Variants in CAPZA2 observed in about 807,000 individuals in gnomAD.
CAPZA2 encodes capping actin protein of muscle Z-line subunit alpha 2.
CAPZA2 carries 13 observed loss-of-function variants against 44.0 expected under a neutral mutation model. The observed-to-expected ratio is 0.30, with a 90% CI of 0.19 to 0.47. The LOEUF (loss-of-function observed/expected upper bound fraction) is 0.47, where lower values mean the gene tolerates loss of function less well. CAPZA2 is among the 20% of genes least tolerant of loss of function. The probability of loss-of-function intolerance (pLI) is 1.00; values close to 1 mark genes in which losing one functional copy is unlikely to be tolerated. For missense variants in CAPZA2, 244 were observed against 338.6 expected (o/e 0.72, Z 2.19); for synonymous variants, 94 against 108.2 (o/e 0.87, Z 0.81).
chr7:116,900,127 C>G (rs1300106672), intron 4 of CAPZA2, among the ~76,000 whole-genome samples: 2 of 151,410 alleles, frequency 1.3e-5, no homozygotes, highest in East Asian at 3.9e-4. Flanking sequence ...AATAAAAATT[C>G]TAGTAAAATA....
intron 4 of CAPZA2, among the ~76,000 whole-genome samples, chr7:116,903,233 A>AGAGTGTGTGTGTGTGTGTGTGTGT: frequency 6.8e-6 from 1 of 146,340 alleles, no homozygotes; most frequent in Non-Finnish European, 1.5e-5. Context: ...TGCAGAGAAG[A>AGAGTGTGTGTGTGTGTGTGTGTGT]GTGTGTGTGT....
chr7:116,863,085 C>T (rs1465665360), intron 1 of CAPZA2, among the ~76,000 whole-genome samples: 1 of 152,202 alleles, frequency 6.6e-6, no homozygotes, highest in Non-Finnish European at 1.5e-5. Flanking sequence ...GGCGGCCTGG[C>T]CTGTGAGTGT....
chr7:116,867,577 T>G (rs1796497591), intron 1 of CAPZA2, among the ~76,000 whole-genome samples: 1 of 139,704 alleles, frequency 7.2e-6, no homozygotes, highest in Non-Finnish European at 1.5e-5. Context: ...AGTCCATTTC[T>G]CTCTCTTTTT....
At chr7:116,917,393 T>C (rs1397558069) in intron 9 of CAPZA2, among the ~76,000 whole-genome samples, 1 of 152,190 alleles carries the variant, frequency 6.6e-6, no homozygotes, top group Non-Finnish European at 1.5e-5. Context: ...TAGCCGGGAC[T>C]ACAGACGCCC....
intron 6 of CAPZA2, among the ~76,000 whole-genome samples, chr7:116,909,320 GCAAA>G (rs768872273): frequency 8.6e-5 from 13 of 152,012 alleles, no homozygotes; most frequent in Admixed American, 1.3e-4. Context: ...CGTGCAGAGA[GCAAA>G]CAGAGACAAA....
At chr7:116,910,591 C>T (rs1791578414) in intron 7 of CAPZA2, among the ~76,000 whole-genome samples, 1 of 152,172 alleles carries the variant, frequency 6.6e-6, no homozygotes, top group Non-Finnish European at 1.5e-5. Context: ...TTTGTTCATG[C>T]AGGCGTCTTC....
rs766695426 is a variant in CAPZA2, at chr7:116,888,131, G to A, written c.44G>A (p.Arg15His). ...ATATCTTTCTTTCTGTTTCAGGTGC[G>A]TATAGCAGCAAAATTCATCATTCAT... ...EEQLSDEEKV[R>H]IAAKFIIHAP... The change falls in exon 2 of 10, where the codon CGT becomes CAT. Residue 15 changes from arginine (R) to histidine (H), a missense_variant. Arg to His is a conservative substitution (Grantham distance 29, BLOSUM62 0). Transcript: ENST00000361183. 26 of 1,608,070 alleles carry A rather than the reference G, an allele frequency of 1.6e-5. No individual in the cohort carries two copies. Among genetic ancestry groups the A allele is most frequent in the South Asian group, 5.5e-5 (5 of 90,852 alleles).
At chr7:116,893,910 C>T (rs746956732) in intron 3 of CAPZA2, among the ~76,000 whole-genome samples, 1 of 152,146 alleles carries the variant, frequency 6.6e-6, no homozygotes, top group Non-Finnish European at 1.5e-5. Context: ...TGATTCTCTC[C>T]CTACTTCTCC....
intron 1 of CAPZA2, chr7:116,875,278 G>A (rs971250740): frequency 3.9e-5 from 6 of 152,110 alleles, no homozygotes; most frequent in African/African-American, 1.4e-4. Context: ...CATTTTTGAG[G>A]ATGGCCATTT....
chr7:116,910,054 G>A (rs1791570477), intron 6 of CAPZA2, 179 bp from the exon 7 acceptor site: 1 of 586,142 alleles, frequency 1.7e-6, no homozygotes, highest in Admixed American at 2.8e-5. Flanking sequence ...AATTAAATAT[G>A]TATCATAACT....
intron 1 of CAPZA2, among the ~76,000 whole-genome samples, chr7:116,863,326 A>G (rs1269009685): frequency 6.6e-6 from 1 of 152,114 alleles, no homozygotes; most frequent in Non-Finnish European, 1.5e-5. Context: ...GTTGCTCACA[A>G]AAAGACGACC....
chr7:116,912,000 T>C (rs1791603382), intron 7 of CAPZA2, 69 bp from the exon 8 acceptor site: 6 of 1,597,596 alleles, frequency 3.8e-6, no homozygotes, highest in Admixed American at 1.7e-5. Context: ...TGCATTGATA[T>C]GCTTGTTGAC....
chr7:116,905,618 T>G lies in CAPZA2; in HGVS notation c.427-645T>G, dbSNP rs1001399589. Among the ~76,000 whole-genome samples the G allele has an allele frequency of 6.6e-5, 10 of 152,222 alleles. No homozygotes were observed. In the South Asian group the frequency reaches 8.3e-4, roughly 13 times the overall value. On this transcript the variant is annotated intron_variant, in intron 5 of 9. Coordinates refer to ENST00000361183, the MANE Select transcript of CAPZA2 (RefSeq NM_006136.3). ...TTGCAACATAACCTCAAATATCTTATGTATTACTTGAATTATAACTTGTTC... is the reference window on the plus strand; with the variant it reads ...TTGCAACATAACCTCAAATATCTTAGGTATTACTTGAATTATAACTTGTTC...
intron 8 of CAPZA2, among the ~76,000 whole-genome samples, chr7:116,913,001 G>A (rs2115979775): frequency 6.6e-6 from 1 of 152,184 alleles, no homozygotes; most frequent in South Asian, 2.1e-4. Flanking sequence ...GTGTCTTATT[G>A]TGGTTTTTAT....
At chr7:116,863,320 C>T (rs1796442064) in intron 1 of CAPZA2, among the ~76,000 whole-genome samples, 1 of 152,138 alleles carries the variant, frequency 6.6e-6, no homozygotes, top group African/African-American at 2.4e-5. Flanking sequence ...AGCGGAGTTG[C>T]TCACAAAAAG....
At chr7:116,911,842 G>C (rs1450551450) in intron 7 of CAPZA2, among the ~76,000 whole-genome samples, 1 of 152,188 alleles carries the variant, frequency 6.6e-6, no homozygotes, top group Non-Finnish European at 1.5e-5. Context: ...CCAGCAGTCA[G>C]GTCAATAGAA....
At chr7:116,897,613 G>C (rs1796944404) in intron 3 of CAPZA2, among the ~76,000 whole-genome samples, 1 of 151,932 alleles carries the variant, frequency 6.6e-6, no homozygotes, top group Admixed American at 6.6e-5. Context: ...TTCTGAGTTT[G>C]GAAATTCTCA....
chr7:116,866,488 C>T (rs1796485758), intron 1 of CAPZA2, among the ~76,000 whole-genome samples: 1 of 152,164 alleles, frequency 6.6e-6, no homozygotes, highest in African/African-American at 2.4e-5. Flanking sequence ...GACTTTTTTA[C>T]ATAGTTACAG....
chr7:116,862,783 A>G (rs1001489055), intron 1 of CAPZA2, 133 bp downstream of exon 1: 1 of 988,032 alleles, frequency 1.0e-6, no homozygotes, highest in African/African-American at 1.7e-5. Flanking sequence ...TTCCTCCCCC[A>G]TCCTTACTGC....
Sources: allele counts gnomAD v4.1 joint callset (sites outside exome capture counted in the v4.1 genomes callset), GRCh38; gene constraint gnomAD v4.1.1; transcripts MANE v1.5; gene names NCBI Gene and HGNC (gene_info 2026-07-23, HGNC 2026-07-21).